Variants in TENM3 observed in about 807,000 individuals in gnomAD.
The protein encoded by TENM3 is teneurin-3.
In TENM3, 63 loss-of-function variants were observed where a neutral mutation model predicts 255.1. That is an observed-to-expected ratio of 0.25 (90% CI 0.20 to 0.30). The LOEUF is 0.30. Ranked by LOEUF, TENM3 falls within the 10% of genes least tolerant of loss-of-function variation. TENM3 has a pLI of 1.00. For synonymous variants in TENM3, 1,306 were observed against 1,322.3 expected, an observed-to-expected ratio of 0.99 and a Z score of 0.27; for missense variants, 2,929 against 3,461.1, an observed-to-expected ratio of 0.85 and a Z score of 3.86.
intron 3 of TENM3, among the ~76,000 whole-genome samples, chr4:182,518,343 A>C (rs1009982551): frequency 2.6e-5 from 4 of 151,976 alleles, no homozygotes; most frequent in African/African-American, 9.7e-5. Flanking sequence ...ATGGAATATC[A>C]CTCCAGTGAG....
At chr4:182,576,610 T>C (rs1165715073) in intron 3 of TENM3, among the ~76,000 whole-genome samples, 5 of 152,242 alleles carry the variant, frequency 3.3e-5, no homozygotes, top group Non-Finnish European at 7.3e-5. Flanking sequence ...CAATGCTTCA[T>C]TTAGTGTGTT....
chr4:182,314,472 A>G (rs1374342181), intron 1 of TENM3, among the ~76,000 whole-genome samples: 3 of 152,240 alleles, frequency 2.0e-5, no homozygotes, highest in African/African-American at 4.8e-5. Flanking sequence ...GTCTATACAT[A>G]CAGATCAGCT....
chr4:181,931,440 T>C, the TENM3 span, among the ~76,000 whole-genome samples: 2 of 152,056 alleles, frequency 1.3e-5, no homozygotes, highest in African/African-American at 4.8e-5. Flanking sequence ...GTAAAATACC[T>C]AGGAATACAA....
the TENM3 span, among the ~76,000 whole-genome samples, chr4:181,669,529 C>A: frequency 6.6e-6 from 1 of 152,104 alleles, no homozygotes; most frequent in East Asian, 1.9e-4. Context: ...AATGGAGAAG[C>A]TGAGTTAGGG....
intron 3 of TENM3, among the ~76,000 whole-genome samples, chr4:182,421,629 AG>A (rs1396604632): frequency 6.6e-6 from 1 of 152,240 alleles, no homozygotes; most frequent in African/African-American, 2.4e-5. Flanking sequence ...AAAATGTGAC[AG>A]GGAGAATCAA....
chr4:182,138,622 A>G, the TENM3 span, among the ~76,000 whole-genome samples: 2 of 152,200 alleles, frequency 1.3e-5, no homozygotes, highest in Non-Finnish European at 2.9e-5. Context: ...ACTTCTTACC[A>G]CTAAAAATCC....
the TENM3 span, among the ~76,000 whole-genome samples, chr4:181,600,090 A>G: frequency 6.6e-6 from 1 of 152,310 alleles, no homozygotes; most frequent in Non-Finnish European, 1.5e-5. Flanking sequence ...GCTGCATGTA[A>G]TCTCCTGTGA....
At chr4:182,310,669 G>T (rs1452546203) in intron 1 of TENM3, among the ~76,000 whole-genome samples, 2 of 129,732 alleles carry the variant, frequency 1.5e-5, no homozygotes, top group East Asian at 3.9e-4. Context: ...TGGGGGAAGG[G>T]TGTTTTTTTT....
chr4:181,958,016 G>A, the TENM3 span, among the ~76,000 whole-genome samples: 1 of 151,956 alleles, frequency 6.6e-6, no homozygotes, highest in Non-Finnish European at 1.5e-5. Flanking sequence ...ATGAAGTCTT[G>A]GAAGAAATTA....
the TENM3 span, among the ~76,000 whole-genome samples, chr4:181,805,541 T>A: frequency 6.6e-6 from 1 of 151,962 alleles, no homozygotes; most frequent in South Asian, 2.1e-4. Context: ...CTGTTCAGAG[T>A]TTCTATGTTC....
At chr4:181,482,166 T>C in the TENM3 span, among the ~76,000 whole-genome samples, 2 of 152,146 alleles carry the variant, frequency 1.3e-5, no homozygotes, top group Non-Finnish European at 2.9e-5. Flanking sequence ...ATAGGGTATG[T>C]AATGATGTTT....
At chr4:181,849,245 T>A in the TENM3 span, among the ~76,000 whole-genome samples, 1 of 152,228 alleles carries the variant, frequency 6.6e-6, no homozygotes. Flanking sequence ...AATGGCTATA[T>A]AAATCAGTTT....
In TENM3 at chr4:182,324,603, A is replaced by C. The variant is rs183700131; in HGVS notation, c.232+351A>C. On this transcript the variant is annotated intron_variant, in intron 2 of 27. Transcript: ENST00000511685. ...TTTAGTTGAATGAAGGTGCTCACAGACATTGTGTCTGTGGCTAGAACCGGT... is the reference window on the plus strand; with the variant it reads ...TTTAGTTGAATGAAGGTGCTCACAGCCATTGTGTCTGTGGCTAGAACCGGT... 2.0e-5 allele frequency among the ~76,000 whole-genome samples: 3 copies of C among 152,308 alleles called. No individual in the cohort carries two copies. The East Asian group carries it at 5.8e-4, about 30-fold the overall frequency.
At chr4:182,275,069 C>T (rs1373471039) in intron 1 of TENM3, among the ~76,000 whole-genome samples, 7 of 152,188 alleles carry the variant, frequency 4.6e-5, no homozygotes, top group African/African-American at 9.7e-5. Context: ...AAGTGATCCA[C>T]CTGTCTTGGC....
chr4:181,954,986 T>C, the TENM3 span, among the ~76,000 whole-genome samples: 10 of 152,222 alleles, frequency 6.6e-5, no homozygotes, highest in Admixed American at 5.2e-4. Flanking sequence ...CCCATTGAAT[T>C]ACCTTAGCAC....
At position 182,754,518 on chromosome 4, in the gene TENM3, G is replaced by C; in HGVS notation, c.4151G>C (p.Cys1384Ser). 2 of 1,613,924 alleles carry C rather than the reference G, an allele frequency of 1.2e-6. No individual in the cohort carries two copies. The highest frequency in any genetic ancestry group is 1.7e-6 in the Non-Finnish European group (2 of 1,179,842). ...ATTGCTGCTGGACGGCCCATGCACTGTCAGGTTCCCGGAGTGGAATATCCT... is the reference window on the plus strand; with the variant it reads ...ATTGCTGCTGGACGGCCCATGCACTCTCAGGTTCCCGGAGTGGAATATCCT... ...VRIAAGRPMH[C>S]QVPGVEYPVG... Residue 1384 changes from cysteine to serine, a missense_variant, in exon 22 of 28, where the codon TGT becomes TCT. Coordinates refer to ENST00000511685, the MANE Select transcript of TENM3 (RefSeq NM_001080477.4). The surrounding 1 kb of genome is among the most constrained non-coding windows in gnomAD (Gnocchi z 5.1).
the TENM3 span, among the ~76,000 whole-genome samples, chr4:181,984,342 CA>C: frequency 6.6e-6 from 1 of 152,072 alleles, no homozygotes; most frequent in East Asian, 1.9e-4. Context: ...CCATGAAATC[CA>C]AAGCAATTTA....
chr4:182,003,964 C>G, the TENM3 span, among the ~76,000 whole-genome samples: 12 of 151,646 alleles, frequency 7.9e-5, no homozygotes, highest in African/African-American at 2.7e-4. Flanking sequence ...AACTTGTTTT[C>G]TTATTCTCAC....
chr4:181,706,528 T>C, the TENM3 span, among the ~76,000 whole-genome samples: 3 of 152,298 alleles, frequency 2.0e-5, no homozygotes, highest in Non-Finnish European at 4.4e-5. Context: ...AATCAACATA[T>C]TAGAATTTCA....
Sources: allele counts gnomAD v4.1 joint callset (sites outside exome capture counted in the v4.1 genomes callset), GRCh38; gene constraint gnomAD v4.1.1; non-coding constraint Gnocchi (gnomAD v3.1); transcripts MANE v1.5; gene names NCBI Gene and HGNC (gene_info 2026-07-23, HGNC 2026-07-21).